Variants in HEMK2 observed in about 807,000 individuals in gnomAD.
HEMK2 encodes the protein methyltransferase HEMK2.
the HEMK2 span, among the ~76,000 whole-genome samples, chr21:28,757,752 G>C: frequency 6.6e-6 from 1 of 152,154 alleles, no homozygotes; most frequent in Non-Finnish European, 1.5e-5. Flanking sequence ...TACTGACTAG[G>C]ATAAGCGTAG....
the HEMK2 span, among the ~76,000 whole-genome samples, chr21:28,605,637 T>C: frequency 6.6e-6 from 1 of 152,192 alleles, no homozygotes; most frequent in African/African-American, 2.4e-5. Context: ...CCAAATTTCC[T>C]CATGCTTAAA....
At chr21:28,690,091 A>C in the HEMK2 span, among the ~76,000 whole-genome samples, 2 of 152,154 alleles carry the variant, frequency 1.3e-5, no homozygotes, top group Non-Finnish European at 2.9e-5. Flanking sequence ...GAGTTTGTGT[A>C]GGGGAACTCC....
the HEMK2 span, among the ~76,000 whole-genome samples, chr21:28,769,715 T>G: frequency 3.9e-5 from 6 of 152,242 alleles, no homozygotes; most frequent in Non-Finnish European, 7.4e-5. Flanking sequence ...CTACAAAGTG[T>G]AAGCTTTCTT....
At chr21:28,851,555 C>T in the HEMK2 span, among the ~76,000 whole-genome samples, 1 of 152,162 alleles carries the variant, frequency 6.6e-6, no homozygotes, top group Admixed American at 6.5e-5. Context: ...AGGAATATCT[C>T]GACAGGCCCC....
the HEMK2 span, among the ~76,000 whole-genome samples, chr21:28,715,463 T>C: frequency 6.6e-6 from 1 of 152,222 alleles, no homozygotes; most frequent in Admixed American, 6.5e-5. Flanking sequence ...TGTCTGTTTA[T>C]GTCCTTTGCC....
chr21:28,833,822 C>T, the HEMK2 span, among the ~76,000 whole-genome samples: 1 of 152,158 alleles, frequency 6.6e-6, no homozygotes, highest in Non-Finnish European at 1.5e-5. Context: ...TCTGCTTCCT[C>T]ATCTGTAAAA....
chr21:28,872,012 A>G, the HEMK2 span, among the ~76,000 whole-genome samples: 1 of 152,180 alleles, frequency 6.6e-6, no homozygotes, highest in African/African-American at 2.4e-5. Context: ...AAAGTCCCTA[A>G]TTCCAAATAG....
chr21:28,579,730 T>A, the HEMK2 span, among the ~76,000 whole-genome samples: 2 of 152,340 alleles, frequency 1.3e-5, no homozygotes, highest in African/African-American at 2.4e-5. Context: ...GTTAGTCTGA[T>A]TTAACACCAA....
At chr21:28,693,408 CTT>C in the HEMK2 span, among the ~76,000 whole-genome samples, 2 of 152,050 alleles carry the variant, frequency 1.3e-5, no homozygotes, top group Non-Finnish European at 1.5e-5. Context: ...GGTACTATGA[CTT>C]ATAACATTTT....
the HEMK2 span, among the ~76,000 whole-genome samples, chr21:28,825,595 T>C: frequency 1.3e-5 from 2 of 152,192 alleles, no homozygotes; most frequent in Admixed American, 1.3e-4. Context: ...TAAAGAAGTA[T>C]GACCAAGATC....
At chr21:28,663,065 A>T in the HEMK2 span, among the ~76,000 whole-genome samples, 1 of 152,208 alleles carries the variant, frequency 6.6e-6, no homozygotes. Context: ...GAGAGAAATA[A>T]TCTCTCAATG....
chr21:28,720,133 G>T, the HEMK2 span, among the ~76,000 whole-genome samples: 1 of 152,204 alleles, frequency 6.6e-6, no homozygotes, highest in Admixed American at 6.5e-5. Flanking sequence ...ATTCAAACCT[G>T]AGCTACAGTA....
the HEMK2 span, among the ~76,000 whole-genome samples, chr21:28,759,850 T>A: frequency 6.6e-6 from 1 of 152,052 alleles, no homozygotes; most frequent in Non-Finnish European, 1.5e-5. Flanking sequence ...CACGTGGAAC[T>A]GTGAGTCCCT....
At chr21:28,704,643 A>T in the HEMK2 span, among the ~76,000 whole-genome samples, 1 of 152,220 alleles carries the variant, frequency 6.6e-6, no homozygotes, top group South Asian at 2.1e-4. Context: ...GAAGGGAACA[A>T]CCGTTTAAAA....
At chr21:28,808,723 C>A in the HEMK2 span, among the ~76,000 whole-genome samples, 11 of 151,866 alleles carry the variant, frequency 7.2e-5, no homozygotes, top group Non-Finnish European at 1.2e-4. Flanking sequence ...CCTTGTATAC[C>A]GTGATTTTGC....
the HEMK2 span, among the ~76,000 whole-genome samples, chr21:28,779,346 G>C: frequency 6.6e-6 from 1 of 152,176 alleles, no homozygotes; most frequent in Non-Finnish European, 1.5e-5. Flanking sequence ...ATATCATGAG[G>C]AGTGAAATAA....
the HEMK2 span, among the ~76,000 whole-genome samples, chr21:28,877,267 A>G: frequency 1.2e-5 from 1 of 83,464 alleles, no homozygotes; most frequent in Non-Finnish European, 2.4e-5. Context: ...AAGGGAAGGA[A>G]GGAAGGAAGG....
At chr21:28,826,601 C>T in the HEMK2 span, among the ~76,000 whole-genome samples, 10 of 152,254 alleles carry the variant, frequency 6.6e-5, no homozygotes, top group Admixed American at 1.3e-4. Flanking sequence ...TCTTCACTAA[C>T]GTTATCCACA....
At chr21:28,581,031 A>T in the HEMK2 span, among the ~76,000 whole-genome samples, 1 of 151,922 alleles carries the variant, frequency 6.6e-6, no homozygotes, top group Non-Finnish European at 1.5e-5. Flanking sequence ...CACGAATCTT[A>T]TTTTTTTTAA....
Sources: gnomAD v4.1 joint callset for allele counts (sites outside exome capture counted in the v4.1 genomes callset) on GRCh38, gnomAD v4.1.1 for gene constraint, MANE v1.5 for transcripts, NCBI Gene and HGNC (gene_info 2026-07-23, HGNC 2026-07-21) for gene names.